NFIA: variants seen among roughly 807,000 people sequenced by gnomAD.
NFIA encodes nuclear factor I A.
NFIA carries 8 observed loss-of-function variants against 62.8 expected under a neutral mutation model. That is an observed-to-expected ratio of 0.13 (90% confidence interval 0.07 to 0.23). The LOEUF is 0.23. NFIA is among the 10% of genes least tolerant of loss of function. The pLI is 1.00. For synonymous variants in NFIA, 235 were observed against 238.1 expected (o/e 0.99, Z 0.12); for missense variants, 410 against 642.1 (o/e 0.64, Z 3.91).
upstream of NFIA, among the ~76,000 whole-genome samples, chr1:61,079,960 T>A (rs1646075352): frequency 6.6e-6 from 1 of 152,136 alleles, no homozygotes; most frequent in South Asian, 2.1e-4. Flanking sequence ...TTTCTCAGTC[T>A]TGTTTCCAAA....
intron 3 of NFIA, among the ~76,000 whole-genome samples, chr1:61,293,515 C>T (rs1441769956): frequency 2.0e-5 from 3 of 152,154 alleles, no homozygotes. Flanking sequence ...GGCCAGTCAC[C>T]CAGCGTGTTT....
intron 9 of NFIA, among the ~76,000 whole-genome samples, chr1:61,407,677 C>T (rs1012897624): frequency 2.0e-5 from 3 of 152,014 alleles, no homozygotes; most frequent in African/African-American, 7.3e-5. Context: ...GGCAGTGTGA[C>T]CCTAAGGAAA....
intron 9 of NFIA, among the ~76,000 whole-genome samples, chr1:61,410,740 C>T (rs1321023490): frequency 5.9e-5 from 9 of 151,984 alleles, no homozygotes. Flanking sequence ...AACCCCATCT[C>T]TACAAAAAAT....
chr1:61,359,044 G>A, intron 5 of NFIA, 103 bp from the exon 6 acceptor site: 2 of 1,498,068 alleles, frequency 1.3e-6, no homozygotes, highest in South Asian at 2.6e-5. Flanking sequence ...ACATTAAGTT[G>A]CCCAATTGCT....
intron 2 of NFIA, among the ~76,000 whole-genome samples, chr1:61,208,765 AAATATGAT>A (rs1347428725): frequency 1.3e-5 from 2 of 152,146 alleles, no homozygotes; most frequent in Non-Finnish European, 2.9e-5. Flanking sequence ...AATTTTCACA[AAATATGAT>A]ATGTCTTAAG....
chr1:61,223,112 A>C (rs1475792446), intron 2 of NFIA, among the ~76,000 whole-genome samples: 1 of 152,050 alleles, frequency 6.6e-6, no homozygotes, highest in Non-Finnish European at 1.5e-5. Flanking sequence ...GTTTATTTTT[A>C]GAACTGTTTA....
chr1:61,186,524 A>T (rs1194903248), intron 2 of NFIA, among the ~76,000 whole-genome samples: 1 of 152,204 alleles, frequency 6.6e-6, no homozygotes, highest in Non-Finnish European at 1.5e-5. Flanking sequence ...ATGTATGTAA[A>T]TAGGTAAGTT....
chr1:61,159,343 G>C (rs912771470), intron 2 of NFIA, among the ~76,000 whole-genome samples: 1 of 152,106 alleles, frequency 6.6e-6, no homozygotes, highest in Non-Finnish European at 1.5e-5. Flanking sequence ...TAGATGACCT[G>C]GTTTCTAGGC....
At chr1:61,199,342 C>G (rs920347233) in intron 2 of NFIA, among the ~76,000 whole-genome samples, 1 of 152,134 alleles carries the variant, frequency 6.6e-6, no homozygotes, top group Admixed American at 6.5e-5. Context: ...TAATAGCTAC[C>G]ATTTATTGAT....
chr1:61,400,930 C>T (rs1045864173), intron 7 of NFIA, among the ~76,000 whole-genome samples: 3 of 152,184 alleles, frequency 2.0e-5, no homozygotes, highest in East Asian at 1.9e-4. Flanking sequence ...CAAAGTTAGG[C>T]AGGCATTGAT....
At position 61,088,096 on chromosome 1, in the gene NFIA, GTTTTC is replaced by G; in HGVS notation, c.28-48_28-44del. On this transcript the variant is annotated intron_variant, in intron 1 of 10. Coordinates refer to ENST00000403491, the MANE Select transcript of NFIA (RefSeq NM_001134673.4). This position sits in a 1 kb window ranked among gnomAD's most constrained non-coding sequence, Gnocchi z 4.5. ...TAAGGTGACCCGCTGAAGAAAAGTT[GTTTTC>G]TTTTGTTTTCATTCTACTTATATTT... The G allele has an allele frequency of 1.3e-6, 2 of 1,510,696 alleles. No individual in the cohort carries two copies. Among genetic ancestry groups the G allele is most frequent in the South Asian group, 1.3e-5 (1 of 75,374 alleles). 93.6% of individuals were successfully genotyped at this position (1,510,696 alleles called of 1,614,324 possible).
intron 2 of NFIA, among the ~76,000 whole-genome samples, chr1:61,115,852 A>C (rs1287965703): frequency 6.6e-6 from 1 of 152,198 alleles, no homozygotes; most frequent in Admixed American, 6.5e-5. Context: ...CCAAATGTAC[A>C]TTTGAAACCT....
At chr1:61,414,945 A>C (rs1017124206) in intron 9 of NFIA, among the ~76,000 whole-genome samples, 4 of 152,162 alleles carry the variant, frequency 2.6e-5, no homozygotes, top group African/African-American at 9.7e-5. Context: ...AAACTCTTTC[A>C]TTGTTCTCAC....
intron 9 of NFIA, among the ~76,000 whole-genome samples, chr1:61,420,625 A>G (rs1055371344): frequency 1.3e-5 from 2 of 152,190 alleles, no homozygotes; most frequent in South Asian, 4.1e-4. Flanking sequence ...TTGAGCAGGT[A>G]GTAGAATCAT....
At chr1:61,307,745 T>C (rs1029901531) in intron 3 of NFIA, among the ~76,000 whole-genome samples, 69 of 152,358 alleles carry the variant, frequency 4.5e-4, no homozygotes, top group African/African-American at 1.6e-3. Flanking sequence ...AGCTAAACTT[T>C]CATGAATCTT....
chr1:61,291,071 GA>G (rs1658850756), intron 3 of NFIA, among the ~76,000 whole-genome samples: 1 of 152,198 alleles, frequency 6.6e-6, no homozygotes, highest in Non-Finnish European at 1.5e-5. Context: ...ATGGTAAGAA[GA>G]TACAGAAGCC....
chr1:61,432,169 G>T (rs1667121989), intron 10 of NFIA, among the ~76,000 whole-genome samples: 1 of 151,442 alleles, frequency 6.6e-6, no homozygotes, highest in African/African-American at 2.4e-5. Context: ...TTCTGTCCTT[G>T]TCCTTGTCTA....
At chr1:61,404,030 G>A in intron 7 of NFIA, 74 bp from the exon 8 acceptor site, 2 of 1,502,404 alleles carry the variant, frequency 1.3e-6, no homozygotes, top group South Asian at 1.2e-5. Context: ...AAATAAAGGA[G>A]GAAGTTGAAT....
intron 6 of NFIA, among the ~76,000 whole-genome samples, chr1:61,366,381 A>G (rs954146214): frequency 6.6e-6 from 1 of 152,220 alleles, no homozygotes; most frequent in Admixed American, 6.5e-5. Context: ...TATATGCATA[A>G]GAAGCTACTT....
Sources: allele counts gnomAD v4.1 joint callset (sites outside exome capture counted in the v4.1 genomes callset), GRCh38; gene constraint gnomAD v4.1.1; non-coding constraint Gnocchi (gnomAD v3.1); transcripts MANE v1.5; gene names NCBI Gene and HGNC (gene_info 2026-07-23, HGNC 2026-07-21).